ARHGEF3: variants seen among roughly 807,000 people sequenced by gnomAD.
The protein encoded by ARHGEF3 is Rho guanine nucleotide exchange factor 3, also known as 59.8 kDA protein.
In ARHGEF3, 28 loss-of-function variants were observed where a neutral mutation model predicts 63.2. That is an observed-to-expected ratio of 0.44 (90% confidence interval 0.33 to 0.61). The LOEUF (loss-of-function observed/expected upper bound fraction) is 0.61. Ranked by LOEUF, ARHGEF3 falls within the 20% of genes least tolerant of loss-of-function variation. The probability of loss-of-function intolerance (pLI) is 0.03; values close to 1 mark genes in which losing one functional copy is unlikely to be tolerated. For missense variants in ARHGEF3, 533 were observed against 659.3 expected, an observed-to-expected ratio of 0.81 and a Z score of 2.10; for synonymous variants, 266 against 254.2, an observed-to-expected ratio of 1.05 and a Z score of -0.44.
intron 1 of ARHGEF3, among the ~76,000 whole-genome samples, chr3:57,051,517 T>C (rs1408605732): frequency 6.6e-6 from 1 of 152,108 alleles, no homozygotes; most frequent in Non-Finnish European, 1.5e-5. Flanking sequence ...GTTTTCTTGA[T>C]TTTGTAATTA....
intron 1 of ARHGEF3, among the ~76,000 whole-genome samples, chr3:57,049,854 C>T (rs956278188): frequency 2.9e-4 from 44 of 152,190 alleles, no homozygotes; most frequent in Admixed American, 3.9e-4. Context: ...CTGTCAGCAT[C>T]GTCCACATTC....
At chr3:56,762,180 C>T (rs1448851486) in intron 2 of ARHGEF3, among the ~76,000 whole-genome samples, 2 of 152,108 alleles carry the variant, frequency 1.3e-5, no homozygotes, top group East Asian at 1.9e-4. Flanking sequence ...AGAAGAGGCC[C>T]ACCTCAAAGT....
intron 7 of ARHGEF3, among the ~76,000 whole-genome samples, chr3:56,740,578 T>C (rs1273717445): frequency 6.6e-6 from 1 of 152,244 alleles, no homozygotes; most frequent in Non-Finnish European, 1.5e-5. Flanking sequence ...TGTTCCATGT[T>C]AGACGAAGTG....
chr3:56,883,226 T>C (rs9823870), intron 3 of ARHGEF3, among the ~76,000 whole-genome samples: 15,152 of 152,226 alleles, frequency 0.1, 1,590 homozygotes, highest in African/African-American at 0.24. Context: ...GGACTGAAGA[T>C]AACTGTATTT....
rs545903511 is a variant in ARHGEF3, at chr3:56,946,915, T to G, written c.129+11908A>C. Among the ~76,000 whole-genome samples, 71 of 152,330 alleles carry G rather than the reference T, an allele frequency of 4.7e-4. 1 individual carries two copies. The highest frequency in any genetic ancestry group is 1.6e-3 in the African/African-American group (65 of 41,582). On this transcript the variant is annotated intron_variant, in intron 3 of 12. Transcript: ENST00000338458. ...ACCCACAAAGGGAAGCCCATCAGACTAACAGCTGATCTCTCCTCAGAAACT... is the reference window on the plus strand; with the variant it reads ...ACCCACAAAGGGAAGCCCATCAGACGAACAGCTGATCTCTCCTCAGAAACT...
chr3:56,751,252 C>T (rs2034724295), intron 5 of ARHGEF3, 48 bp downstream of exon 5: 1 of 1,564,786 alleles, frequency 6.4e-7, no homozygotes, highest in Admixed American at 1.7e-5. Context: ...TATAAGACAA[C>T]TCAGTTAAGG....
chr3:56,757,456 A>G (rs1408653812), intron 2 of ARHGEF3, among the ~76,000 whole-genome samples: 2 of 152,090 alleles, frequency 1.3e-5, no homozygotes, highest in African/African-American at 4.8e-5. Context: ...TCTGGGCGAC[A>G]AGAGTGAGAC....
chr3:56,964,119 A>G (rs1316430479), intron 2 of ARHGEF3, among the ~76,000 whole-genome samples: 2 of 152,158 alleles, frequency 1.3e-5, no homozygotes, highest in Non-Finnish European at 2.9e-5. Flanking sequence ...TGGGAGGCCG[A>G]GGCAGGCAGA....
chr3:57,075,421 A>G (rs1706167303), intron 1 of ARHGEF3: 2 of 167,038 alleles, frequency 1.2e-5, no homozygotes. Flanking sequence ...TGAATAAATG[A>G]AATAAATGAG....
Position 56,996,887 on chromosome 3 carries a change from A to AT in ARHGEF3, c.63-37999dup, listed in dbSNP as rs199994465. Among the ~76,000 whole-genome samples, 811 of 102,482 alleles carry AT rather than the reference A, an allele frequency of 7.9e-3. 4 individuals are homozygous for AT. Among genetic ancestry groups the AT allele is most frequent in the Middle Eastern group, 0.025 (5 of 200 alleles). 67.2% of individuals were successfully genotyped at this position (102,482 alleles called of 152,430 possible). ...TTAAAACATTATTATTATTATTATT[A>AT]TTATTTTTTTTTTTTTTTGCAATTT... On this transcript the variant is annotated intron_variant, in intron 2 of 12. Coordinates refer to the ARHGEF3 transcript ENST00000338458.
At chr3:56,981,209 C>T (rs758603801) in intron 2 of ARHGEF3, among the ~76,000 whole-genome samples, 9 of 152,154 alleles carry the variant, frequency 5.9e-5, no homozygotes, top group Non-Finnish European at 8.8e-5. Context: ...AAACACATGC[C>T]GATGTCCACA....
chr3:56,947,104 C>A (rs976429576), intron 3 of ARHGEF3, among the ~76,000 whole-genome samples: 1 of 152,160 alleles, frequency 6.6e-6, no homozygotes, highest in African/African-American at 2.4e-5. Context: ...ACCAGGCCTG[C>A]CCTAAAACAG....
chr3:56,959,357 C>A (rs1700179248), intron 2 of ARHGEF3, among the ~76,000 whole-genome samples: 1 of 152,044 alleles, frequency 6.6e-6, no homozygotes, highest in Non-Finnish European at 1.5e-5. Flanking sequence ...GGACATTTAG[C>A]CCCCGCGTAA....
At chr3:56,990,912 G>A (rs892047635) in intron 2 of ARHGEF3, among the ~76,000 whole-genome samples, 7 of 152,130 alleles carry the variant, frequency 4.6e-5, no homozygotes, top group South Asian at 2.1e-4. Context: ...AGGGGTGAGC[G>A]TGAGATGAGC....
intron 4 of ARHGEF3, among the ~76,000 whole-genome samples, chr3:56,878,474 A>G (rs1485652680): frequency 6.6e-6 from 1 of 152,208 alleles, no homozygotes. Context: ...TATATCATCA[A>G]CTAGCATTGA....
chr3:56,801,590 G>A, intron 1 of ARHGEF3, 113 bp downstream of exon 1: 5 of 1,354,566 alleles, frequency 3.7e-6, no homozygotes, highest in South Asian at 1.4e-5. Flanking sequence ...CACACGGAGA[G>A]TGAGAGATGG....
intron 3 of ARHGEF3, chr3:56,916,251 C>T: frequency 2.0e-6 from 3 of 1,519,454 alleles, no homozygotes; most frequent in Non-Finnish European, 2.6e-6. Context: ...ACCACCCCAC[C>T]CGGCTCGGGT....
chr3:56,960,020 T>G (rs1276675378), intron 2 of ARHGEF3, among the ~76,000 whole-genome samples: 1 of 152,124 alleles, frequency 6.6e-6, no homozygotes, highest in Non-Finnish European at 1.5e-5. Flanking sequence ...AATAGTCACT[T>G]TTACCTTGAC....
At chr3:56,958,511 T>C (rs1700143186) in intron 3 of ARHGEF3, among the ~76,000 whole-genome samples, 1 of 151,886 alleles carries the variant, frequency 6.6e-6, no homozygotes, top group South Asian at 2.1e-4. Context: ...ATATTTTTTT[T>C]TGTAGAGTAG....
Sources: allele counts gnomAD v4.1 joint callset (sites outside exome capture counted in the v4.1 genomes callset), GRCh38; gene constraint gnomAD v4.1.1; transcripts MANE v1.5; gene names NCBI Gene and HGNC (gene_info 2026-07-23, HGNC 2026-07-21).